Variants in AMMECR1L observed in about 807,000 individuals in gnomAD.
The protein encoded by AMMECR1L is AMMECR1-like protein.
A neutral mutation model predicts 36.8 loss-of-function variants in AMMECR1L; 4 were observed. That is an observed-to-expected ratio of 0.11 (90% CI 0.05 to 0.25). The LOEUF is 0.25. Among genes scored for constraint, AMMECR1L ranks in the 10% least tolerant of loss-of-function variants. The pLI, the probability that AMMECR1L is intolerant of heterozygous loss-of-function variation, is 1.00. For missense variants in AMMECR1L, 232 were observed against 392.1 expected (o/e 0.59, Z 3.45); for synonymous variants, 147 against 148.0 (o/e 0.99, Z 0.05).
At chr2:127,872,882 C>T (rs750651885) in intron 3 of AMMECR1L, 82 of 615,020 alleles carry the variant, frequency 1.3e-4, no homozygotes, top group Non-Finnish European at 1.5e-4. Context: ...CCCAGGGTGA[C>T]GGTTCCCAAA....
chr2:127,882,264 G>A (rs1242172622), intron 2 of AMMECR1L, among the ~76,000 whole-genome samples: 1 of 151,932 alleles, frequency 6.6e-6, no homozygotes, highest in Non-Finnish European at 1.5e-5. Flanking sequence ...AGAAAAAGGG[G>A]GTCTCTGCAT....
chr2:127,874,323 G>A lies in AMMECR1L; in HGVS notation c.-38-51C>T. On this transcript the variant is annotated intron_variant, in intron 2 of 7. Transcript: ENST00000272647. This position sits in a 1 kb window ranked among gnomAD's most constrained non-coding sequence, Gnocchi z 5.2. Reference sequence around the variant, plus strand: ...TAATTTGACTGGTTAGTTAAAAGGAGAGGAAAAAACATCAAAGATAGAGAG... The same window carrying A: ...TAATTTGACTGGTTAGTTAAAAGGAAAGGAAAAAACATCAAAGATAGAGAG... 16 of 1,506,714 alleles carry A rather than the reference G, an allele frequency of 1.1e-5. No homozygotes were observed. The highest frequency in any genetic ancestry group is 7.1e-5 in the Admixed American group (3 of 42,258). The allele number at this position is 1,506,714 out of a possible 1,614,324, so 93.3% of individuals were successfully genotyped here.
rs1327869488 is a variant in AMMECR1L, at chr2:127,863,763, C to T, written c.*1331G>A. 2 of 152,654 alleles carry T rather than the reference C, an allele frequency of 1.3e-5. No individual in the cohort carries two copies. The highest frequency in any genetic ancestry group is 4.8e-5 in the African/African-American group (2 of 41,454). 9.5% of individuals were successfully genotyped at this position (152,654 alleles called of 1,614,324 possible). A position where few individuals can be genotyped will look rare whatever the true frequency, so the allele number is the denominator to read the frequency against. ...TGCCTTTGTAACAATATTTTCAAAG[C>T]ATCTTCCAAGTCCCCTAGTTCTATG... On this transcript the variant is annotated 3_prime_UTR_variant, in exon 8 of 8. Coordinates refer to ENST00000272647, the MANE Select transcript of AMMECR1L (RefSeq NM_001199140.2).
At position 127,865,504 on chromosome 2, in the gene AMMECR1L, T is replaced by C. The variant is rs1690645479; in HGVS notation, c.822-299A>G. Among the ~76,000 whole-genome samples, 1 of 152,150 alleles carries C rather than the reference T, an allele frequency of 6.6e-6. No homozygotes were observed. The highest frequency in any genetic ancestry group is 2.4e-5 in the African/African-American group (1 of 41,426). On this transcript the variant is annotated intron_variant, in intron 7 of 7. Coordinates refer to ENST00000272647, the MANE Select transcript of AMMECR1L (RefSeq NM_001199140.2). The surrounding 1 kb of genome is among the most constrained non-coding windows in gnomAD (Gnocchi z 5.4). ...TCGTAAGCAATCCGCTACTGGGGTC[T>C]GGATGAAGAATTTCAAGGTCAAATT...
intron 2 of AMMECR1L, among the ~76,000 whole-genome samples, chr2:127,876,927 G>A (rs1691267789): frequency 6.6e-6 from 1 of 151,792 alleles, no homozygotes; most frequent in African/African-American, 2.4e-5. Flanking sequence ...TGAGACAGGA[G>A]AATCACTTGA....
At position 127,873,698 on chromosome 2, in the gene AMMECR1L, T is replaced by C. The variant is rs1222382376; in HGVS notation, c.407+130A>G. On this transcript the variant is annotated intron_variant, in intron 3 of 7. Transcript: ENST00000272647. This position sits in a 1 kb window ranked among gnomAD's most constrained non-coding sequence, Gnocchi z 5.2. ...TTAAATATTCTCTGGACATTTCTTA[T>C]CATTCTCTTCCCATTACCCTTTCCT... 2 of 1,560,798 alleles carry C rather than the reference T, an allele frequency of 1.3e-6. No individual in the cohort carries two copies. Among genetic ancestry groups the C allele is most frequent in the African/African-American group, 2.8e-5 (2 of 72,356 alleles).
At position 127,865,670 on chromosome 2, in the gene AMMECR1L, G is replaced by A. The variant is rs1169334691; in HGVS notation, c.822-465C>T. Among the ~76,000 whole-genome samples the A allele has an allele frequency of 6.6e-6, 1 of 152,182 alleles. No homozygotes were observed. Among genetic ancestry groups the A allele is most frequent in the Non-Finnish European group, 1.5e-5 (1 of 68,036 alleles). On this transcript the variant is annotated intron_variant, in intron 7 of 7. Transcript: ENST00000272647. The surrounding 1 kb of genome is among the most constrained non-coding windows in gnomAD (Gnocchi z 5.4). ...AACAAACAAGTTATTATAACTAAAA[G>A]GGACACAGATACCTAATTCTGGGTC...
rs1274909997 is a variant in AMMECR1L, at chr2:127,862,164, T to A, written c.*2930A>T. 1 of 153,658 alleles carries A rather than the reference T, an allele frequency of 6.5e-6. No homozygotes were observed. The highest frequency in any genetic ancestry group is 1.9e-4 in the East Asian group (1 of 5,198). The allele number at this position is 153,658 out of a possible 1,614,324, so 9.5% of individuals were successfully genotyped here. On this transcript the variant is annotated 3_prime_UTR_variant, in exon 8 of 8. Transcript: ENST00000272647. ...AATTACAGAGAGAATGTCCTAGCTG[T>A]GGGTATTATGAGACAAGCCAACTTT...
rs908349963 is a variant in AMMECR1L at position 127,866,000 on chromosome 2, A to G, written c.822-795T>C. Among the ~76,000 whole-genome samples the G allele has an allele frequency of 2.0e-5, 3 of 152,142 alleles. No individual in the cohort carries two copies. Among genetic ancestry groups the G allele is most frequent in the East Asian group, 1.9e-4 (1 of 5,198 alleles). On this transcript the variant is annotated intron_variant, in intron 7 of 7. Transcript: ENST00000272647. This position sits in a 1 kb window ranked among gnomAD's most constrained non-coding sequence, Gnocchi z 5.4. ...GAAATGGCTGTTCAAATAAATTATAATAATAATAATAATGCTTTGTATTTG... is the reference window on the plus strand; with the variant it reads ...GAAATGGCTGTTCAAATAAATTATAGTAATAATAATAATGCTTTGTATTTG...
intron 2 of AMMECR1L, among the ~76,000 whole-genome samples, chr2:127,877,523 A>G (rs944157206): frequency 3.3e-5 from 5 of 152,000 alleles, no homozygotes; most frequent in Admixed American, 3.3e-4. Flanking sequence ...TTTAGTAGAG[A>G]TGGTGTTTCA....
Position 127,871,473 on chromosome 2 carries a change from T to C in AMMECR1L, c.408-114A>G. 9.3e-7 allele frequency: 1 copy of C among 1,080,652 alleles called. No individual in the cohort carries two copies. The allele number at this position is 1,080,652 out of a possible 1,614,324, so 66.9% of individuals were successfully genotyped here. A position where few individuals can be genotyped will look rare whatever the true frequency, so the allele number is the denominator to read the frequency against. ...TGTTATTGCCAAAAATCCCTGTTTT[T>C]GGACTTGCCAGCTACCCGAAGGACT... On this transcript the variant is annotated intron_variant, in intron 3 of 7. Transcript: ENST00000272647. The surrounding 1 kb of genome is among the most constrained non-coding windows in gnomAD (Gnocchi z 4.3).
intron 2 of AMMECR1L, among the ~76,000 whole-genome samples, chr2:127,878,040 C>T (rs1397711095): frequency 6.6e-6 from 1 of 152,064 alleles, no homozygotes; most frequent in South Asian, 2.1e-4. Context: ...GCCTGGGTGA[C>T]AGAGTAAGAC....
intron 3 of AMMECR1L, among the ~76,000 whole-genome samples, chr2:127,872,383 T>G (rs968276345): frequency 6.6e-6 from 1 of 151,970 alleles, no homozygotes; most frequent in Non-Finnish European, 1.5e-5. Context: ...CCATTTTCTG[T>G]TTCTAGGCCA....
rs1265166873 is a variant in AMMECR1L at position 127,874,852 on chromosome 2, T to G, written c.-38-580A>C. ...CATCTTCTAACACAAGGCTCCCACCTTTCTGTCTCTGCAGCTCTCCTCCTC... is the reference window on the plus strand; with the variant it reads ...CATCTTCTAACACAAGGCTCCCACCGTTCTGTCTCTGCAGCTCTCCTCCTC... On this transcript the variant is annotated intron_variant, in intron 2 of 7. Transcript: ENST00000272647. This position sits in a 1 kb window ranked among gnomAD's most constrained non-coding sequence, Gnocchi z 5.2. Among the ~76,000 whole-genome samples the G allele has an allele frequency of 6.6e-6, 1 of 152,222 alleles. No homozygotes were observed. The highest frequency in any genetic ancestry group is 1.5e-5 in the Non-Finnish European group (1 of 68,032).
chr2:127,876,400 G>T (rs558561382), intron 2 of AMMECR1L, among the ~76,000 whole-genome samples: 5 of 151,572 alleles, frequency 3.3e-5, no homozygotes, highest in African/African-American at 1.2e-4. Flanking sequence ...TGTGCGGTGG[G>T]GATCCTCTCA....
intron 5 of AMMECR1L, among the ~76,000 whole-genome samples, chr2:127,870,121 C>T (rs1173344270): frequency 6.6e-6 from 1 of 151,950 alleles, no homozygotes; most frequent in Admixed American, 6.6e-5. Flanking sequence ...TTGAGACCAT[C>T]CTGGCTAACA....
rs1020888542 is a variant in AMMECR1L at position 127,874,838 on chromosome 2, A to G, written c.-38-566T>C. On this transcript the variant is annotated intron_variant, in intron 2 of 7. Coordinates refer to ENST00000272647, the MANE Select transcript of AMMECR1L (RefSeq NM_001199140.2). This position sits in a 1 kb window ranked among gnomAD's most constrained non-coding sequence, Gnocchi z 5.2. The stretch of plus-strand genomic sequence containing the variant: ...CTCTGAAGAGGGCACATCTTCTAAC[A>G]CAAGGCTCCCACCTTTCTGTCTCTG... Among the ~76,000 whole-genome samples, 1 of 152,204 alleles carries G rather than the reference A, an allele frequency of 6.6e-6. No homozygotes were observed. Among genetic ancestry groups the G allele is most frequent in the African/African-American group, 2.4e-5 (1 of 41,452 alleles).
Position 127,865,695 on chromosome 2 carries a change from CA to C in AMMECR1L, c.822-491del, listed in dbSNP as rs1210441953. On this transcript the variant is annotated intron_variant, in intron 7 of 7. Coordinates refer to ENST00000272647, the MANE Select transcript of AMMECR1L (RefSeq NM_001199140.2). This position sits in a 1 kb window ranked among gnomAD's most constrained non-coding sequence, Gnocchi z 5.4. ...GGGACACAGATACCTAATTCTGGGTCAAAGTCTGCTGAAGCAGGTTAAAGGA... is the reference window on the plus strand; with the variant it reads ...GGGACACAGATACCTAATTCTGGGTCAAGTCTGCTGAAGCAGGTTAAAGGA... 5.9e-5 allele frequency among the ~76,000 whole-genome samples: 9 copies of C among 152,314 alleles called. No individual in the cohort carries two copies. In the East Asian group the frequency reaches 1.5e-3, roughly 26 times the overall value.
chr2:127,865,325 G>A lies in AMMECR1L; in HGVS notation c.822-120C>T. The A allele has an allele frequency of 1.8e-6, 1 of 568,110 alleles. No individual in the cohort carries two copies. Among genetic ancestry groups the A allele is most frequent in the Non-Finnish European group, 3.1e-6 (1 of 326,056 alleles). 35.2% of individuals were successfully genotyped at this position (568,110 alleles called of 1,614,324 possible). ...TTGAAAGAATAAAATGGAAGACCAA[G>A]AGCAATCTTACTTACAGAAAATGAA... On this transcript the variant is annotated intron_variant, in intron 7 of 7. Coordinates refer to ENST00000272647, the MANE Select transcript of AMMECR1L (RefSeq NM_001199140.2). This position sits in a 1 kb window ranked among gnomAD's most constrained non-coding sequence, Gnocchi z 5.4.
Sources: gnomAD v4.1 joint callset for allele counts (sites outside exome capture counted in the v4.1 genomes callset) on GRCh38, gnomAD v4.1.1 for gene constraint, Gnocchi (gnomAD v3.1) non-coding constraint, MANE v1.5 for transcripts, NCBI Gene and HGNC (gene_info 2026-07-23, HGNC 2026-07-21) for gene names.